The following TIAM1 variants were observed in gnomAD, a reference collection of about 807,000 sequenced individuals.
The protein encoded by TIAM1 is TIAM Rac1 associated GEF 1.
A neutral mutation model predicts 163.5 loss-of-function variants in TIAM1; 65 were observed. That is an observed-to-expected ratio of 0.40 (90% CI 0.33 to 0.49). The LOEUF (loss-of-function observed/expected upper bound fraction) is 0.49, where lower values mean the gene tolerates loss of function less well. TIAM1 is among the 20% of genes least tolerant of loss of function. The pLI is 0.77. For missense variants in TIAM1, 1,789 were observed against 2,044.7 expected, an observed-to-expected ratio of 0.87 and a Z score of 2.41; for synonymous variants, 833 against 810.1, an observed-to-expected ratio of 1.03 and a Z score of -0.48.
In TIAM1 at chr21:31,328,266, C is replaced by T. The variant is rs142588853; in HGVS notation, c.-189+10977G>A. ...AACTACAGTCGCCATTCCCTATCCA[C>T]GGGTTCAGTATCCATGGCTTCCATA... On this transcript the variant is annotated intron_variant, in intron 2 of 27. Transcript: ENST00000541036. Among the ~76,000 whole-genome samples the T allele has an allele frequency of 3.4e-3, 524 of 152,292 alleles. 3 individuals are homozygous for T. The highest frequency in any genetic ancestry group is 0.012 in the African/African-American group (487 of 41,552).
chr21:31,152,109 T>C (rs2083405055), intron 19 of TIAM1, among the ~76,000 whole-genome samples: 1 of 145,530 alleles, frequency 6.9e-6, no homozygotes, highest in Non-Finnish European at 1.5e-5. Flanking sequence ...CTCGGCTCAC[T>C]GCAACCTCTG....
intron 2 of TIAM1, among the ~76,000 whole-genome samples, chr21:31,402,671 C>T (rs1413449576): frequency 2.0e-5 from 3 of 152,110 alleles, no homozygotes; most frequent in South Asian, 2.1e-4. Flanking sequence ...AAAGGCCGGG[C>T]GTGGTGGCTC....
At chr21:31,132,769 G>T (rs1315846578) in intron 23 of TIAM1, among the ~76,000 whole-genome samples, 1 of 152,078 alleles carries the variant, frequency 6.6e-6, no homozygotes, top group Non-Finnish European at 1.5e-5. Flanking sequence ...AGTGTTGCCC[G>T]ATCCCTTCAG....
intron 2 of TIAM1, among the ~76,000 whole-genome samples, chr21:31,301,263 G>T (rs971307750): frequency 6.6e-6 from 1 of 152,110 alleles, no homozygotes; most frequent in African/African-American, 2.4e-5. Flanking sequence ...GTTTCTAGAA[G>T]GCCTAATTCC....
intron 2 of TIAM1, among the ~76,000 whole-genome samples, chr21:31,430,664 A>T (rs2043995836): frequency 6.6e-6 from 1 of 152,048 alleles, no homozygotes; most frequent in Non-Finnish European, 1.5e-5. Flanking sequence ...TTCTGCATGG[A>T]TTTGTTTTAG....
intron 13 of TIAM1, among the ~76,000 whole-genome samples, chr21:31,194,075 G>A (rs962976873): frequency 2.6e-5 from 4 of 151,966 alleles, no homozygotes; most frequent in Non-Finnish European, 4.4e-5. Flanking sequence ...GCCGCTGGCC[G>A]GAAGACCCAC....
intron 2 of TIAM1, among the ~76,000 whole-genome samples, chr21:31,320,908 C>T (rs762500565): frequency 4.6e-5 from 7 of 152,030 alleles, no homozygotes; most frequent in Non-Finnish European, 8.8e-5. Flanking sequence ...TGCAAAATTG[C>T]TTGAACCTGG....
intron 2 of TIAM1, among the ~76,000 whole-genome samples, chr21:31,442,913 G>A (rs778355983): frequency 6.6e-6 from 1 of 152,198 alleles, no homozygotes; most frequent in African/African-American, 2.4e-5. Context: ...AATATGAGAC[G>A]GCCAGGACCT....
chr21:31,164,327 T>C (rs1208601058), intron 16 of TIAM1, among the ~76,000 whole-genome samples: 1 of 151,548 alleles, frequency 6.6e-6, no homozygotes. Context: ...GAGGCGGAGC[T>C]TGCAGTGAGC....
chr21:31,184,326 G>A (rs902559760), intron 14 of TIAM1, among the ~76,000 whole-genome samples: 1 of 152,150 alleles, frequency 6.6e-6, no homozygotes, highest in Admixed American at 6.5e-5. Context: ...GGCTGGTCTG[G>A]AACTCCTCAC....
At chr21:31,167,145 G>A (rs142699597) in intron 15 of TIAM1, among the ~76,000 whole-genome samples, 27 of 142,668 alleles carry the variant, frequency 1.9e-4, no homozygotes, top group African/African-American at 6.4e-4. Flanking sequence ...AGGCTGGAGT[G>A]CAGTGGTGCA....
At chr21:31,193,516 C>T (rs1601493355) in intron 13 of TIAM1, among the ~76,000 whole-genome samples, 1 of 152,290 alleles carries the variant, frequency 6.6e-6, no homozygotes, top group South Asian at 2.1e-4. Flanking sequence ...CCTCATTCTA[C>T]GTGACTCCAC....
At chr21:31,290,197 T>G (rs2073965723) in intron 2 of TIAM1, among the ~76,000 whole-genome samples, 1 of 152,170 alleles carries the variant, frequency 6.6e-6, no homozygotes, top group South Asian at 2.1e-4. Flanking sequence ...AACATAAATT[T>G]TGAAATTTCC....
chr21:31,177,369 G>A (rs2084809439), intron 15 of TIAM1, among the ~76,000 whole-genome samples: 1 of 152,208 alleles, frequency 6.6e-6, no homozygotes, highest in South Asian at 2.1e-4. Flanking sequence ...CACTTTCGGA[G>A]GGTGAGGCAG....
chr21:31,532,429 A>C (rs1455117841), intron 1 of TIAM1, among the ~76,000 whole-genome samples: 5 of 152,074 alleles, frequency 3.3e-5, no homozygotes, highest in Admixed American at 2.6e-4. Context: ...AATTTTTCCT[A>C]AACTATTTTA....
chr21:31,420,255 G>C (rs1376193580), intron 2 of TIAM1, among the ~76,000 whole-genome samples: 1 of 152,086 alleles, frequency 6.6e-6, no homozygotes, highest in Non-Finnish European at 1.5e-5. Flanking sequence ...TAGAAAACAA[G>C]CCTTGAAAGG....
intron 19 of TIAM1, among the ~76,000 whole-genome samples, chr21:31,150,428 A>C (rs758028577): frequency 6.6e-6 from 1 of 152,170 alleles, no homozygotes; most frequent in Non-Finnish European, 1.5e-5. Flanking sequence ...CTATACACAT[A>C]TGAACAGCTC....
At chr21:31,284,609 C>T (rs1303865077) in intron 2 of TIAM1, among the ~76,000 whole-genome samples, 1 of 152,158 alleles carries the variant, frequency 6.6e-6, no homozygotes, top group Non-Finnish European at 1.5e-5. Context: ...ACCTCCACCT[C>T]TCAAGTTCAA....
intron 11 of TIAM1, among the ~76,000 whole-genome samples, chr21:31,208,019 T>C (rs569837159): frequency 5.0e-4 from 76 of 152,368 alleles, no homozygotes; most frequent in African/African-American, 1.4e-3. Context: ...GAAAGGGATT[T>C]TGTACCTTAA....
Sources: gnomAD v4.1 joint callset for allele counts (sites outside exome capture counted in the v4.1 genomes callset) on GRCh38, gnomAD v4.1.1 for gene constraint, MANE v1.5 for transcripts, NCBI Gene and HGNC (gene_info 2026-07-23, HGNC 2026-07-21) for gene names.